Variants in LRRC37A2 observed in about 807,000 individuals in gnomAD.
The protein encoded by LRRC37A2 is leucine-rich repeat-containing protein 37A2.
In LRRC37A2, 9 loss-of-function variants were observed where a neutral mutation model predicts 68.8. The observed-to-expected ratio is 0.13, with a 90% CI of 0.08 to 0.23. The LOEUF (loss-of-function observed/expected upper bound fraction) is 0.23. Among genes scored for constraint, LRRC37A2 ranks in the 10% least tolerant of loss-of-function variants. The pLI, the probability that LRRC37A2 is intolerant of heterozygous loss-of-function variation, is 1.00. For synonymous variants in LRRC37A2, 63 were observed against 367.6 expected (o/e 0.17, Z 9.48); for missense variants, 168 against 950.4 (o/e 0.18, Z 10.82).
chr17:46,731,663 G>A, the LRRC37A2 span, among the ~76,000 whole-genome samples: 1 of 152,194 alleles, frequency 6.6e-6, no homozygotes, highest in East Asian at 1.9e-4. Context: ...ATTTATCTAA[G>A]GACTGAAGAG....
the LRRC37A2 span, among the ~76,000 whole-genome samples, chr17:46,580,535 CA>C: frequency 2.8e-5 from 2 of 71,706 alleles, no homozygotes; most frequent in East Asian, 3.4e-4. Context: ...CCCATCTCTG[CA>C]AAAAAAAACA....
the LRRC37A2 span, among the ~76,000 whole-genome samples, chr17:46,745,688 A>G: frequency 6.6e-6 from 1 of 152,242 alleles, no homozygotes; most frequent in Admixed American, 6.5e-5. Flanking sequence ...TAAAAAGCTA[A>G]AAAAGAGAAG....
the LRRC37A2 span, among the ~76,000 whole-genome samples, chr17:46,729,617 A>G: frequency 1.3e-5 from 2 of 152,146 alleles, no homozygotes; most frequent in Admixed American, 6.6e-5. Context: ...CTCTTGATTG[A>G]TTCTGCATGC....
the LRRC37A2 span, among the ~76,000 whole-genome samples, chr17:46,976,027 C>T: frequency 6.6e-6 from 1 of 151,880 alleles, no homozygotes; most frequent in Non-Finnish European, 1.5e-5. Context: ...CCCGGGTTCA[C>T]GCCATTCTCC....
the LRRC37A2 span, among the ~76,000 whole-genome samples, chr17:46,839,586 G>C: frequency 6.6e-6 from 1 of 152,144 alleles, no homozygotes; most frequent in South Asian, 2.1e-4. Flanking sequence ...ACAATGTGCA[G>C]GTTTGTTACA....
chr17:46,715,604 A>G, the LRRC37A2 span, among the ~76,000 whole-genome samples: 1 of 152,208 alleles, frequency 6.6e-6, no homozygotes, highest in African/African-American at 2.4e-5. Context: ...GGATGGTCCT[A>G]GTTTTTCTAT....
chr17:46,768,169 T>C, the LRRC37A2 span: 9 of 1,227,118 alleles, frequency 7.3e-6, no homozygotes, highest in Non-Finnish European at 1.0e-5. This position sits in a 1 kb window ranked among gnomAD's most constrained non-coding sequence, Gnocchi z 5.0. Flanking sequence ...TGAAAAATCC[T>C]AGCTTCCTAT....
chr17:46,851,723 C>A, the LRRC37A2 span: 3 of 1,274,962 alleles, frequency 2.4e-6, no homozygotes, highest in Admixed American at 4.1e-5. This position sits in a 1 kb window ranked among gnomAD's most constrained non-coding sequence, Gnocchi z 4.3. Flanking sequence ...CGGGTCAGTG[C>A]CCGCCGCGCC....
At chr17:46,944,255 A>G in the LRRC37A2 span, among the ~76,000 whole-genome samples, 4 of 152,228 alleles carry the variant, frequency 2.6e-5, no homozygotes, top group African/African-American at 9.6e-5. Flanking sequence ...AGCCCTCCGC[A>G]GTTTGCACTG....
At chr17:46,722,207 G>A in the LRRC37A2 span, 1 of 1,542,824 alleles carries the variant, frequency 6.5e-7, no homozygotes, top group South Asian at 1.1e-5. Context: ...TGCTTAGGAA[G>A]AGACCCAAAT....
the LRRC37A2 span, among the ~76,000 whole-genome samples, chr17:46,622,311 A>G: frequency 6.8e-6 from 1 of 146,792 alleles, no homozygotes; most frequent in Non-Finnish European, 1.5e-5. Context: ...CAAAAAAATT[A>G]GCCAGGCGTG....
the LRRC37A2 span, among the ~76,000 whole-genome samples, chr17:46,895,225 C>A: frequency 9.2e-5 from 14 of 152,236 alleles, no homozygotes; most frequent in Non-Finnish European, 1.9e-4. Context: ...CCGGTCAGTG[C>A]GGAGGCTGCT....
the LRRC37A2 span, among the ~76,000 whole-genome samples, chr17:46,714,589 T>C: frequency 1.3e-5 from 2 of 152,192 alleles, no homozygotes; most frequent in African/African-American, 4.8e-5. Context: ...CTGAAAAGAC[T>C]GTAAGACCAT....
At chr17:46,943,354 G>C in the LRRC37A2 span, among the ~76,000 whole-genome samples, 1 of 152,128 alleles carries the variant, frequency 6.6e-6, no homozygotes, top group Admixed American at 6.5e-5. Context: ...CTGCAGTGCA[G>C]CCCCCAGCCC....
At chr17:46,870,455 G>A in the LRRC37A2 span, among the ~76,000 whole-genome samples, 40,411 of 151,972 alleles carry the variant, frequency 0.27, 6,276 homozygotes, top group East Asian at 0.52. Flanking sequence ...TTACCCATTT[G>A]CCCCCAGATT....
the LRRC37A2 span, among the ~76,000 whole-genome samples, chr17:46,957,016 A>G: frequency 6.6e-6 from 1 of 152,218 alleles, no homozygotes; most frequent in Admixed American, 6.5e-5. Flanking sequence ...AGGTGAATCA[A>G]GACTCCAGAG....
At chr17:46,752,803 C>G in the LRRC37A2 span, among the ~76,000 whole-genome samples, 1 of 152,008 alleles carries the variant, frequency 6.6e-6, no homozygotes, top group Non-Finnish European at 1.5e-5. Flanking sequence ...GAGTCTCGCT[C>G]TGTTGCCCAG....
At chr17:46,797,338 C>G in the LRRC37A2 span, among the ~76,000 whole-genome samples, 1 of 152,128 alleles carries the variant, frequency 6.6e-6, no homozygotes, top group Non-Finnish European at 1.5e-5. Context: ...TGAGAGGACT[C>G]CCAGGAAGAC....
At chr17:47,043,237 G>A in the LRRC37A2 span, among the ~76,000 whole-genome samples, 5 of 151,952 alleles carry the variant, frequency 3.3e-5, no homozygotes, top group Non-Finnish European at 7.4e-5. Context: ...ATAAAAATTT[G>A]CATCAAAATC....
Sources: allele counts gnomAD v4.1 joint callset (sites outside exome capture counted in the v4.1 genomes callset), GRCh38; gene constraint gnomAD v4.1.1; non-coding constraint Gnocchi (gnomAD v3.1); transcripts MANE v1.5; gene names NCBI Gene and HGNC (gene_info 2026-07-23, HGNC 2026-07-21).